The following ACSF3 variants were observed in gnomAD, a reference collection of about 807,000 sequenced individuals.
ACSF3 encodes the protein malonate--CoA ligase ACSF3, mitochondrial.
ACSF3 carries 78 observed loss-of-function variants against 53.2 expected under a neutral mutation model. The ratio of observed to expected loss-of-function variants is 1.47; its 90% CI spans 1.22 to 1.77. ACSF3 has a LOEUF of 1.77. Among genes scored for constraint, ACSF3 ranks in the 40% most tolerant of loss-of-function variants. The probability of loss-of-function intolerance (pLI) is 0.00; values close to 1 mark genes in which losing one functional copy is unlikely to be tolerated. For synonymous variants in ACSF3, 414 were observed against 333.1 expected (o/e 1.24, Z -2.65); for missense variants, 937 against 771.1 (o/e 1.22, Z -2.55).
intron 4 of ACSF3, among the ~76,000 whole-genome samples, chr16:89,105,484 C>G (rs548601955): frequency 6.6e-6 from 1 of 152,166 alleles, no homozygotes; most frequent in Non-Finnish European, 1.5e-5. Flanking sequence ...TAGGGAACTT[C>G]CATGCCTTTG....
At chr16:89,105,119 GAGGGCCCCGTCTCCCTA>G (rs1409832263) in intron 4 of ACSF3, among the ~76,000 whole-genome samples, 3 of 151,934 alleles carry the variant, frequency 2.0e-5, no homozygotes, top group Non-Finnish European at 2.9e-5. Context: ...GAGCCTCCCT[GAGGGCCCCGTCTCCCTA>G]ACACATTCCA....
chr16:89,098,477 G>GTCT, intron 1 of ACSF3, 114 bp from the exon 2 acceptor site: 1 of 364,510 alleles, frequency 2.7e-6, no homozygotes, highest in Non-Finnish European at 5.5e-6. Flanking sequence ...TGATAATGTT[G>GTCT]TCTTTAGCTT....
At chr16:89,153,894 C>G (rs982904437) in intron 10 of ACSF3, 196 bp from the exon 11 acceptor site, 5 of 621,722 alleles carry the variant, frequency 8.0e-6, no homozygotes, top group Middle Eastern at 4.3e-4. Context: ...CGGGCACCTC[C>G]TGCAGTCACC....
intron 6 of ACSF3, among the ~76,000 whole-genome samples, chr16:89,117,752 C>G (rs540545356): frequency 6.6e-6 from 1 of 152,254 alleles, no homozygotes; most frequent in South Asian, 2.1e-4. Context: ...AATCAGAACT[C>G]CTAGGCGAAC....
At chr16:89,114,605 T>A in intron 6 of ACSF3, 118 bp downstream of exon 6, 1 of 1,471,290 alleles carries the variant, frequency 6.8e-7, no homozygotes, top group Non-Finnish European at 9.3e-7. Context: ...TGCTCCCCCG[T>A]GGGACAGGCC....
At chr16:89,109,915 A>G (rs907989348) in intron 4 of ACSF3, among the ~76,000 whole-genome samples, 2 of 152,112 alleles carry the variant, frequency 1.3e-5, no homozygotes, top group African/African-American at 4.8e-5. Flanking sequence ...TTGCATCCGT[A>G]TGTAATCTTT....
intron 1 of ACSF3, among the ~76,000 whole-genome samples, chr16:89,095,517 G>A (rs1281306478): frequency 6.7e-6 from 1 of 148,684 alleles, no homozygotes; most frequent in East Asian, 2.0e-4. Context: ...CCCGCAGGCC[G>A]AGCACAGCCC....
intron 7 of ACSF3, among the ~76,000 whole-genome samples, chr16:89,127,829 A>G (rs1225983185): frequency 6.6e-6 from 1 of 152,182 alleles, no homozygotes; most frequent in African/African-American, 2.4e-5. Flanking sequence ...GTTTCCCTTC[A>G]GGCCACGAAA....
At chr16:89,138,487 G>A (rs1029054260) in intron 8 of ACSF3, among the ~76,000 whole-genome samples, 3 of 152,344 alleles carry the variant, frequency 2.0e-5, no homozygotes, top group African/African-American at 7.2e-5. Context: ...CAAGGGTGCC[G>A]ACCAAGGTCA....
chr16:89,155,352 C>CA lies in ACSF3; in HGVS notation c.*1146dup. 1 of 451,590 alleles carries CA rather than the reference C, an allele frequency of 2.2e-6. No homozygotes were observed. The highest frequency in any genetic ancestry group is 4.5e-6 in the Non-Finnish European group (1 of 224,690). The allele number at this position is 451,590 out of a possible 1,614,324, so 28.0% of individuals were successfully genotyped here. On this transcript the variant is annotated 3_prime_UTR_variant, in exon 11 of 11. Transcript: ENST00000614302. ...CAGGAGGCCAGCCCCATCTCAGGCT[C>CA]ACGTGCCTCTGACAGGAGACCAGCC...
rs1403081095 is a variant in ACSF3 at position 89,124,486 on chromosome 16, A to C, written c.1239+3573A>C. Among the ~76,000 whole-genome samples the C allele has an allele frequency of 8.0e-5, 6 of 74,550 alleles. No homozygotes were observed. The South Asian group carries it at 2.0e-3, about 24-fold the overall frequency. The allele number at this position is 74,550 out of a possible 152,430, so 48.9% of individuals were successfully genotyped here. A position where few individuals can be genotyped will look rare whatever the true frequency, so the allele number is the denominator to read the frequency against. ...GCGCATGTGTGATACCCGTGCACAC[A>C]CTGAGTGTGTGTTACCTGTGCACAT... On this transcript the variant is annotated intron_variant, in intron 7 of 10. Transcript: ENST00000614302.
At position 89,114,488 on chromosome 16, in the gene ACSF3, G is replaced by A. The variant is rs916461556; in HGVS notation, c.1126+1G>A. 3 of 1,611,192 alleles carry A rather than the reference G, an allele frequency of 1.9e-6. No individual in the cohort carries two copies. The highest frequency in any genetic ancestry group is 1.7e-5 in the Admixed American group (1 of 60,014). On this transcript the variant is annotated splice_donor_variant, in intron 6 of 10. Coordinates refer to ENST00000614302, the MANE Select transcript of ACSF3 (RefSeq NM_001243279.3). LOFTEE classifies it high-confidence loss of function. Reference sequence around the variant, plus strand: ...CTGACCACTGCCGTGCGCCTGCCAGGTACGAGCACTTCCCACAGCTGCGTT... The same window carrying A: ...CTGACCACTGCCGTGCGCCTGCCAGATACGAGCACTTCCCACAGCTGCGTT...
intron 7 of ACSF3, among the ~76,000 whole-genome samples, chr16:89,129,444 G>A (rs567385934): frequency 1.2e-4 from 18 of 151,922 alleles, no homozygotes; most frequent in Admixed American, 7.2e-4. Flanking sequence ...TTAATTTCTC[G>A]GTTGGAGTTT....
chr16:89,130,464 C>G (rs1672502887), intron 7 of ACSF3, among the ~76,000 whole-genome samples: 1 of 152,082 alleles, frequency 6.6e-6, no homozygotes, highest in Admixed American at 6.5e-5. Flanking sequence ...ATCCCAGCTA[C>G]TTGGGAGGCT....
chr16:89,113,875 C>G, intron 5 of ACSF3: 2 of 304,314 alleles, frequency 6.6e-6, no homozygotes, highest in Non-Finnish European at 1.3e-5. Context: ...CACCCATGTC[C>G]GCGTTCTGCT....
chr16:89,102,820 GC>G (rs1975515892), intron 4 of ACSF3, 61 bp downstream of exon 4: 1 of 1,591,666 alleles, frequency 6.3e-7, no homozygotes, highest in Non-Finnish European at 8.5e-7. Flanking sequence ...CCCTGTCGGG[GC>G]CAGGGCTCTC....
chr16:89,153,749 G>A (rs1914397576), intron 10 of ACSF3: 2 of 376,626 alleles, frequency 5.3e-6, no homozygotes, highest in Non-Finnish European at 1.0e-5. Context: ...TCCAGTGCGG[G>A]GACTTGGAAG....
chr16:89,121,102 G>A (rs917338863), intron 7 of ACSF3, among the ~76,000 whole-genome samples, 189 bp downstream of exon 7: 8 of 152,256 alleles, frequency 5.3e-5, no homozygotes, highest in Non-Finnish European at 1.0e-4. Context: ...TGCCTGCTGC[G>A]TGTCCGTCTG....
intron 10 of ACSF3, 86 bp from the exon 11 acceptor site, chr16:89,154,004 G>T: frequency 7.2e-7 from 1 of 1,392,198 alleles, no homozygotes; most frequent in Non-Finnish European, 1.0e-6. Context: ...GGTCCCAGGG[G>T]CACCTGTCCG....
Sources: gnomAD v4.1 joint callset for allele counts (sites outside exome capture counted in the v4.1 genomes callset) on GRCh38, gnomAD v4.1.1 for gene constraint, MANE v1.5 for transcripts, NCBI Gene and HGNC (gene_info 2026-07-23, HGNC 2026-07-21) for gene names.